PCBP3: variants seen among roughly 807,000 people sequenced by gnomAD.
PCBP3 encodes the protein poly(rC)-binding protein 3.
PCBP3 carries 25 observed loss-of-function variants against 52.7 expected under a neutral mutation model. The observed-to-expected ratio is 0.47, with a 90% CI of 0.35 to 0.66. The LOEUF (loss-of-function observed/expected upper bound fraction) is 0.66, where lower values mean the gene tolerates loss of function less well. Among genes scored for constraint, PCBP3 ranks in the 30% least tolerant of loss-of-function variants. PCBP3 has a pLI of 0.01. For synonymous variants in PCBP3, 162 were observed against 183.0 expected, an observed-to-expected ratio of 0.89 and a Z score of 0.93; for missense variants, 391 against 490.3, an observed-to-expected ratio of 0.80 and a Z score of 1.91.
chr21:45,703,983 A>G (rs1346339455), intron 2 of PCBP3, among the ~76,000 whole-genome samples: 2 of 152,144 alleles, frequency 1.3e-5, no homozygotes, highest in Non-Finnish European at 2.9e-5. Flanking sequence ...GGACCAGGAC[A>G]TGGAGATGGA....
At position 45,866,021 on chromosome 21, in the gene PCBP3, G is replaced by A. The variant is rs781098648; in HGVS notation, c.10+15926G>A. Among the ~76,000 whole-genome samples the A allele has an allele frequency of 4.8e-4, 73 of 152,208 alleles. 1 individual carries two copies. Among genetic ancestry groups the A allele is most frequent in the Admixed American group, 2.7e-3 (41 of 15,288 alleles). On this transcript the variant is annotated intron_variant, in intron 5 of 17. Coordinates refer to ENST00000681687, the MANE Select transcript of PCBP3 (RefSeq NM_001384156.1). ...GCCAGCAGGCTTGGCCTGTCCTGCCGCACTCCAGCCAGCAGAATAGCAGTG... is the reference window on the plus strand; with the variant it reads ...GCCAGCAGGCTTGGCCTGTCCTGCCACACTCCAGCCAGCAGAATAGCAGTG...
chr21:45,938,463 G>A (rs1374190585), intron 16 of PCBP3, among the ~76,000 whole-genome samples: 1 of 152,222 alleles, frequency 6.6e-6, no homozygotes, highest in South Asian at 2.1e-4. Flanking sequence ...TCAGAGATGA[G>A]CCCTTCAGAT....
intron 2 of PCBP3, among the ~76,000 whole-genome samples, chr21:45,694,705 A>T (rs1037058982): frequency 3.3e-5 from 5 of 152,352 alleles, no homozygotes; most frequent in African/African-American, 1.2e-4. Flanking sequence ...CCACTCAATT[A>T]TATTTCTATG....
chr21:45,779,675 A>G (rs2090496794), intron 4 of PCBP3, among the ~76,000 whole-genome samples: 1 of 152,214 alleles, frequency 6.6e-6, no homozygotes, highest in Non-Finnish European at 1.5e-5. Context: ...AACACGTAAA[A>G]CTACAAAATA....
intron 1 of PCBP3, among the ~76,000 whole-genome samples, chr21:45,644,358 C>T (rs1395159742): frequency 6.6e-6 from 1 of 151,740 alleles, no homozygotes; most frequent in Non-Finnish European, 1.5e-5. Flanking sequence ...CCCTCGGTGA[C>T]CCTGCGGAGA....
intron 4 of PCBP3, among the ~76,000 whole-genome samples, chr21:45,819,692 C>T (rs2093071397): frequency 6.6e-6 from 1 of 152,238 alleles, no homozygotes; most frequent in Non-Finnish European, 1.5e-5. Context: ...CTCCTGGGGA[C>T]TGTACTTGGC....
intron 4 of PCBP3, among the ~76,000 whole-genome samples, chr21:45,775,103 A>G (rs2090154375): frequency 6.6e-6 from 1 of 151,988 alleles, no homozygotes; most frequent in Non-Finnish European, 1.5e-5. Context: ...TTTTCTTTGT[A>G]CTTTTGGTAG....
At position 45,896,381 on chromosome 21, in the gene PCBP3, G is replaced by A. The variant is rs1379394663; in HGVS notation, c.165+19G>A. The A allele has an allele frequency of 6.4e-7, 1 of 1,550,932 alleles. No homozygotes were observed. Among genetic ancestry groups the A allele is most frequent in the Non-Finnish European group, 8.7e-7 (1 of 1,146,394 alleles). On this transcript the variant is annotated intron_variant, in intron 6 of 17. Coordinates refer to ENST00000681687, the MANE Select transcript of PCBP3 (RefSeq NM_001384156.1). Reference sequence around the variant, plus strand: ...TGGAAAGGTAAGAGGAGCCGCCATTGTCTCTGTAGGAAAGGCGGCCGCGGC... The same window carrying A: ...TGGAAAGGTAAGAGGAGCCGCCATTATCTCTGTAGGAAAGGCGGCCGCGGC...
chr21:45,886,629 CCCCGGG>C (rs2095531666), intron 5 of PCBP3, among the ~76,000 whole-genome samples: 3 of 14,002 alleles, frequency 2.1e-4, no homozygotes, highest in African/African-American at 9.7e-4. Context: ...GGCCTCATTG[CCCCGGG>C]TACCAAGGGC....
chr21:45,761,204 A>G, intron 4 of PCBP3: 1 of 152,194 alleles, frequency 6.6e-6, no homozygotes, highest in Non-Finnish European at 1.5e-5. Flanking sequence ...CTTAAGCAGG[A>G]CATTGTTCCT....
chr21:45,871,219 G>A (rs11089027), intron 5 of PCBP3: 95,012 of 151,598 alleles, frequency 0.63, 31,152 homozygotes, highest in East Asian at 0.87. Context: ...AGGGAAGGCC[G>A]TGCAGTCCAG....
At chr21:45,909,740 C>CCCT (rs2096294472) in intron 10 of PCBP3, among the ~76,000 whole-genome samples, 3 of 141,302 alleles carry the variant, frequency 2.1e-5, no homozygotes, top group Non-Finnish European at 4.7e-5. Context: ...ACAGACCTGG[C>CCCT]CCACCCACTG....
rs1025264515 is a variant in PCBP3 at position 45,880,364 on chromosome 21, G to A, written c.11-15844G>A. On this transcript the variant is annotated intron_variant, in intron 5 of 17. Transcript: ENST00000681687. This position sits in a 1 kb window ranked among gnomAD's most constrained non-coding sequence, Gnocchi z 5.4. ...CATGGCCCAAACCCAGCCCTGTGCC[G>A]CCTCTGTGGGCCACAGGGACCCCCA... Among the ~76,000 whole-genome samples the A allele has an allele frequency of 3.9e-5, 6 of 152,330 alleles. No homozygotes were observed. Among genetic ancestry groups the A allele is most frequent in the East Asian group, 3.9e-4 (2 of 5,172 alleles).
intron 2 of PCBP3, chr21:45,673,863 T>TAGA (rs2081313690): frequency 6.6e-6 from 1 of 152,192 alleles, no homozygotes; most frequent in Admixed American, 6.5e-5. Context: ...TGTCTCTCTA[T>TAGA]GAGTTTTACT....
intron 9 of PCBP3, among the ~76,000 whole-genome samples, chr21:45,907,679 GGGAATCTGTAAGTGT>G (rs1287745181): frequency 6.6e-6 from 1 of 152,000 alleles, no homozygotes; most frequent in Non-Finnish European, 1.5e-5. Context: ...TCTGGGTGTA[GGGAATCTGTAAGTGT>G]GGCTCTGAAT....
intron 3 of PCBP3, chr21:45,749,514 G>A (rs187082003): frequency 1.3e-5 from 2 of 152,486 alleles, no homozygotes; most frequent in African/African-American, 4.8e-5. Context: ...TGAAGAGTCA[G>A]GGAGAGGGAG....
chr21:45,898,977 C>T (rs2095943031), intron 6 of PCBP3, among the ~76,000 whole-genome samples: 2 of 152,264 alleles, frequency 1.3e-5, no homozygotes. Context: ...TCCTCACAGC[C>T]TCACCGACGT....
intron 4 of PCBP3, chr21:45,832,520 T>C (rs1348990295): frequency 2.0e-5 from 3 of 152,122 alleles, no homozygotes; most frequent in Admixed American, 6.6e-5. Context: ...CTTTGGGAAA[T>C]TGACCATTCT....
chr21:45,910,050 CCA>C (rs2096334724), intron 10 of PCBP3, among the ~76,000 whole-genome samples: 3 of 19,698 alleles, frequency 1.5e-4, no homozygotes, highest in Non-Finnish European at 2.9e-4. Context: ...TGGACCCCCC[CCA>C]CCACTGCCCA....
Sources: gnomAD v4.1 joint callset for allele counts (sites outside exome capture counted in the v4.1 genomes callset) on GRCh38, gnomAD v4.1.1 for gene constraint, Gnocchi (gnomAD v3.1) non-coding constraint, MANE v1.5 for transcripts, NCBI Gene and HGNC (gene_info 2026-07-23, HGNC 2026-07-21) for gene names.